Variants in ARHGAP45 observed in about 807,000 individuals in gnomAD.
The protein encoded by ARHGAP45 is Rho GTPase activating protein 45, also known as rho GTPase-activating protein 45.
In ARHGAP45, 56 loss-of-function variants were observed where a neutral mutation model predicts 116.1. The ratio of observed to expected loss-of-function variants is 0.48; its 90% CI spans 0.39 to 0.60. The LOEUF (loss-of-function observed/expected upper bound fraction) is 0.60. Among genes scored for constraint, ARHGAP45 ranks in the 20% least tolerant of loss-of-function variants. ARHGAP45 has a pLI of 0.00. For synonymous variants in ARHGAP45, 866 were observed against 701.7 expected (o/e 1.23, Z -3.70); for missense variants, 1,622 against 1,601.0 (o/e 1.01, Z -0.22).
At chr19:1,067,560 G>C in intron 1 of ARHGAP45, 65 bp downstream of exon 1, 2 of 1,436,384 alleles carry the variant, frequency 1.4e-6, no homozygotes, top group Non-Finnish European at 1.9e-6. Context: ...GACCCGCCCT[G>C]TGCTCGGGGC....
At position 1,083,135 on chromosome 19, in the gene ARHGAP45, C is replaced by G; in HGVS notation, c.2745-8C>G. On this transcript the variant is annotated splice_region_variant and splice_polypyrimidine_tract_variant and intron_variant, in intron 20 of 22. Transcript: ENST00000313093. ...CCGCTCAGCACCTGGCCCCTGCCCA[C>G]CCCGCAGGATCGTGGAGGTGGAGCA... is the stretch of plus-strand genomic sequence containing the variant. 6.2e-7 allele frequency: 1 copy of G among 1,602,220 alleles called. No homozygotes were observed. Among genetic ancestry groups the G allele is most frequent in the Non-Finnish European group, 8.5e-7 (1 of 1,176,884 alleles).
At position 1,068,588 on chromosome 19, in the gene ARHGAP45, C is replaced by T. The variant is rs201802065; in HGVS notation, c.265C>T (p.Arg89Trp). The T allele has an allele frequency of 5.5e-5, 88 of 1,610,502 alleles. No homozygotes were observed. The highest frequency in any genetic ancestry group is 6.5e-5 in the Non-Finnish European group (77 of 1,178,836). Residue 89 changes from arginine (R) to tryptophan (W), a missense_variant, in exon 2 of 23, where the codon CGG becomes TGG. This residue lies in a region of ARHGAP45 where 279 missense variants were observed against 311.9 expected (regional missense o/e 0.89). Coordinates refer to ENST00000313093, the MANE Select transcript of ARHGAP45 (RefSeq NM_012292.5). This position sits in a 1 kb window ranked among gnomAD's most constrained non-coding sequence, Gnocchi z 7.5. ...GGGTGCTGCCTCCTGGACACTGGGC[C>T]GGAGCCACCGGAGCCCACTGACAGC... is the stretch of plus-strand genomic sequence containing the variant. ...LSGAASWTLGRSHRSPLTAAS... is the reference protein window; with the variant it reads ...LSGAASWTLGWSHRSPLTAAS...
In ARHGAP45 at chr19:1,086,148, C is replaced by A; in HGVS notation, c.*142C>A. The stretch of plus-strand genomic sequence containing the variant: ...CGCCTGGACTTCGACGTCCCACCAG[C>A]GGGCGCCTCCTCCCAGAGGCTTCCA... On this transcript the variant is annotated 3_prime_UTR_variant, in exon 23 of 23. Transcript: ENST00000313093. 1.4e-6 allele frequency: 1 copy of A among 717,510 alleles called. No individual in the cohort carries two copies. The highest frequency in any genetic ancestry group is 2.3e-6 in the Non-Finnish European group (1 of 439,414). 44.4% of individuals were successfully genotyped at this position (717,510 alleles called of 1,614,324 possible).
chr19:1,072,535 G>A (rs113267030), intron 2 of ARHGAP45, among the ~76,000 whole-genome samples: 36 of 152,190 alleles, frequency 2.4e-4, no homozygotes, highest in Non-Finnish European at 4.9e-4. Flanking sequence ...GGTCACAGGT[G>A]TAAGCCACCA....
At chr19:1,074,966 C>A in intron 10 of ARHGAP45, 87 bp downstream of exon 10, 1 of 1,152,950 alleles carries the variant, frequency 8.7e-7, no homozygotes, top group Non-Finnish European at 1.1e-6. Context: ...AGCGAGGGCC[C>A]TGCGGCGAGC....
rs142614852 is a variant in ARHGAP45 at position 1,080,378 on chromosome 19, G to A, written c.1827G>A (p.Arg609=). Residue 609 remains arginine, a splice_region_variant and synonymous_variant, in exon 14 of 23, where the codon AGG becomes AGA. Transcript: ENST00000313093. ...CTEGTPAKDH[R]AGRGHQVHKS... is the part of the protein sequence containing the mutation. The stretch of plus-strand genomic sequence containing the variant: ...AGGGCACACCTGCCAAGGACCACAG[G>A]GGTGAGTGTCCGGCGGGGCCCAGGG... 1,288 of 1,607,722 alleles carry A rather than the reference G, an allele frequency of 8.0e-4. No individual in the cohort carries two copies. Among genetic ancestry groups the A allele is most frequent in the Non-Finnish European group, 1.0e-3 (1,211 of 1,178,924 alleles).
At chr19:1,067,528 C>G in intron 1 of ARHGAP45, 33 bp downstream of exon 1, 3 of 1,552,910 alleles carry the variant, frequency 1.9e-6, no homozygotes, top group Non-Finnish European at 2.6e-6. Context: ...CCGGAGCTGA[C>G]GCCGGGCCGC....
rs1278402959 is a variant in ARHGAP45, at chr19:1,082,860, C to T, written c.2538C>T (p.Ser846=). ...CGCAGCTTCCCGAGCCGCTCATCTC[C>T]TTCCGCCTCTACCACGAGCTCGTAG... ...YLRQLPEPLI[S]FRLYHELVGL... is the part of the protein sequence containing the mutation. Residue 846 remains serine (S), a synonymous_variant, in exon 20 of 23, where the codon TCC becomes TCT. Coordinates refer to ENST00000313093, the MANE Select transcript of ARHGAP45 (RefSeq NM_012292.5). 6.4e-6 allele frequency: 10 copies of T among 1,550,878 alleles called. No homozygotes were observed. The highest frequency in any genetic ancestry group is 1.7e-4 in the Middle Eastern group (1 of 5,786).
chr19:1,074,527 C>T lies in ARHGAP45; in HGVS notation c.994-87C>T. ...CCCTCTACATTAACGGGGGTGGCTG[C>T]AGGGACCAGGGAGCTGGTGGCTGGG... On this transcript the variant is annotated intron_variant, in intron 8 of 22. Transcript: ENST00000313093. The T allele has an allele frequency of 2.8e-6, 4 of 1,404,202 alleles. No individual in the cohort carries two copies. In the East Asian group the frequency reaches 1.0e-4, roughly 35 times the overall value. 87.0% of individuals were successfully genotyped at this position (1,404,202 alleles called of 1,614,324 possible).
Position 1,086,432 on chromosome 19 carries a change from T to C in ARHGAP45, c.*426T>C. 1 of 178,174 alleles carries C rather than the reference T, an allele frequency of 5.6e-6. No homozygotes were observed. Among genetic ancestry groups the C allele is most frequent in the Non-Finnish European group, 1.2e-5 (1 of 83,012 alleles). The allele number at this position is 178,174 out of a possible 1,614,324, so 11.0% of individuals were successfully genotyped here. On this transcript the variant is annotated 3_prime_UTR_variant, in exon 23 of 23. Coordinates refer to ENST00000313093, the MANE Select transcript of ARHGAP45 (RefSeq NM_012292.5). ...CAGAAACCATTCTGGGAGCCGTGGA[T>C]GGGGGCGGAGCTGGGGTTTGGTGCA...
chr19:1,073,579 C>A lies in ARHGAP45; in HGVS notation c.639C>A (p.Ala213=), dbSNP rs761461853. Residue 213 remains alanine, a synonymous_variant, in exon 4 of 23, where the codon GCC becomes GCA. Coordinates refer to ENST00000313093, the MANE Select transcript of ARHGAP45 (RefSeq NM_012292.5). ...AGGCCCTGGAGACGATTGCTGTGGC[C>A]TTCAGTAGCACGTGAGCACGGGAGC... ...FEKALETIAV[A]FSSTVSEFLM... is the part of the protein sequence containing the mutation. The A allele has an allele frequency of 5.6e-6, 9 of 1,613,922 alleles. No individual in the cohort carries two copies. Among genetic ancestry groups the A allele is most frequent in the Non-Finnish European group, 5.9e-6 (7 of 1,179,938 alleles).
intron 22 of ARHGAP45, 73 bp from the exon 23 acceptor site, chr19:1,085,559 CCCCTCTCCTGTCTCTCCCCATCTCTCCT>C: frequency 6.5e-6 from 4 of 613,450 alleles, no homozygotes; most frequent in Non-Finnish European, 1.1e-5. Context: ...ATCTCTCTCC[CCCCTCTCCTGTCTCTCCCCATCTCTCCT>C]GTCTGTCCCT....
At position 1,077,820 on chromosome 19, in the gene ARHGAP45, A is replaced by G. The variant is rs200669203; in HGVS notation, c.1186-37A>G. 4.6e-5 allele frequency: 71 copies of G among 1,550,798 alleles called. No individual in the cohort carries two copies. In the Admixed American group the frequency reaches 1.0e-3, roughly 23 times the overall value. ...GGGAGACTGAGTCCCATCCGAGGATAGGGTTGGAACTGGCCTCCTGGCTCC... is the reference window on the plus strand; with the variant it reads ...GGGAGACTGAGTCCCATCCGAGGATGGGGTTGGAACTGGCCTCCTGGCTCC... On this transcript the variant is annotated intron_variant, in intron 10 of 22. Coordinates refer to ENST00000313093, the MANE Select transcript of ARHGAP45 (RefSeq NM_012292.5).
chr19:1,076,505 T>TC (rs2043253561), intron 10 of ARHGAP45, among the ~76,000 whole-genome samples: 1 of 130,114 alleles, frequency 7.7e-6, no homozygotes, highest in East Asian at 2.1e-4. Flanking sequence ...TTTTTTTTTT[T>TC]TTTTTTTTGA....
rs779347214 is a variant in ARHGAP45 at position 1,081,639 on chromosome 19, C to T, written c.2280C>T (p.Gly760=). Residue 760 remains glycine (G), a synonymous_variant, in exon 18 of 23, where the codon GGC becomes GGT. Coordinates refer to ENST00000313093, the MANE Select transcript of ARHGAP45 (RefSeq NM_012292.5). ...KKLQGRLQLF[G]QDFSHAARSA... ...TGCAAGGCCGCCTGCAGCTGTTCGGCCAGGACTTCAGCCACGCGGCCCGCA... is the reference window on the plus strand; with the variant it reads ...TGCAAGGCCGCCTGCAGCTGTTCGGTCAGGACTTCAGCCACGCGGCCCGCA... 1.5e-5 allele frequency: 23 copies of T among 1,577,664 alleles called. No homozygotes were observed. Among genetic ancestry groups the T allele is most frequent in the Non-Finnish European group, 1.6e-5 (19 of 1,162,148 alleles).
Position 1,081,623 on chromosome 19 carries a change from G to A in ARHGAP45, c.2264G>A (p.Arg755His), listed in dbSNP as rs769132323. Residue 755 changes from arginine to histidine, a missense_variant, in exon 18 of 23, where the codon CGC (arginine) becomes CAC (histidine). Physicochemically the swap from Arg to His is conservative, Grantham distance 29. Around this residue, in one of 3 missense-constraint regions of ARHGAP45, gnomAD observed 1,334 missense variants for 1,263.8 expected, o/e 1.06. Coordinates refer to ENST00000313093, the MANE Select transcript of ARHGAP45 (RefSeq NM_012292.5). ...TGCGGGCACAAGAAGCTGCAAGGCC[G>A]CCTGCAGCTGTTCGGCCAGGACTTC... ...IQCGHKKLQG[R>H]LQLFGQDFSH... is the part of the protein sequence containing the mutation. 6.4e-7 allele frequency: 1 copy of A among 1,564,948 alleles called. No individual in the cohort carries two copies. The highest frequency in any genetic ancestry group is 1.9e-5 in the Admixed American group (1 of 53,258).
At position 1,073,749 on chromosome 19, in the gene ARHGAP45, G is replaced by A. The variant is rs755071589; in HGVS notation, c.723+3G>A. On this transcript the variant is annotated splice_donor_region_variant and intron_variant, in intron 5 of 22. Coordinates refer to ENST00000313093, the MANE Select transcript of ARHGAP45 (RefSeq NM_012292.5). ...TGCCTCCTGGGGACTCGAGCCAGGT[G>A]AGTGGGGTGGGCCAGGGCCACCTGT... The A allele has an allele frequency of 6.3e-7, 1 of 1,583,946 alleles. No individual in the cohort carries two copies.
chr19:1,071,459 G>A lies in ARHGAP45; in HGVS notation c.422-1690G>A. On this transcript the variant is annotated intron_variant, in intron 2 of 22. Coordinates refer to ENST00000313093, the MANE Select transcript of ARHGAP45 (RefSeq NM_012292.5). The surrounding 1 kb of genome is among the most constrained non-coding windows in gnomAD (Gnocchi z 4.6). The stretch of plus-strand genomic sequence containing the variant: ...GGTGGGGGAGCAGCGGCTGCCGCGC[G>A]CCTGGCCTGGCCGTGCGCACCTGGG... The A allele has an allele frequency of 2.2e-6, 2 of 928,212 alleles. No individual in the cohort carries two copies. Among genetic ancestry groups the A allele is most frequent in the Non-Finnish European group, 2.6e-6 (2 of 763,620 alleles). The allele number at this position is 928,212 out of a possible 1,614,324, so 57.5% of individuals were successfully genotyped here. A position where few individuals can be genotyped will look rare whatever the true frequency, so the allele number is the denominator to read the frequency against.
chr19:1,083,086 G>A lies in ARHGAP45; in HGVS notation c.2744+20G>A. ...ACGCAGGTGAGTCCCGGCATATGGAGTGGAGGGCGCGGGGTCCCGGGAGCC... is the reference window on the plus strand; with the variant it reads ...ACGCAGGTGAGTCCCGGCATATGGAATGGAGGGCGCGGGGTCCCGGGAGCC... On this transcript the variant is annotated intron_variant, in intron 20 of 22. Coordinates refer to ENST00000313093, the MANE Select transcript of ARHGAP45 (RefSeq NM_012292.5). 8 of 1,561,088 alleles carry A rather than the reference G, an allele frequency of 5.1e-6. No individual in the cohort carries two copies. Among genetic ancestry groups the A allele is most frequent in the Non-Finnish European group, 6.9e-6 (8 of 1,157,386 alleles).
Sources: gnomAD v4.1 joint callset for allele counts (sites outside exome capture counted in the v4.1 genomes callset) on GRCh38, gnomAD v4.1.1 for gene constraint, gnomAD v4.1.1 regional missense constraint, Gnocchi (gnomAD v3.1) non-coding constraint, MANE v1.5 for transcripts, NCBI Gene and HGNC (gene_info 2026-07-23, HGNC 2026-07-21) for gene names.